The following KCNH1 variants were observed in gnomAD, a reference collection of about 807,000 sequenced individuals.
KCNH1 encodes potassium voltage-gated channel subfamily H member 1.
A neutral mutation model predicts 69.2 loss-of-function variants in KCNH1; 27 were observed. The ratio of observed to expected loss-of-function variants is 0.39; its 90% CI spans 0.29 to 0.54. The LOEUF (loss-of-function observed/expected upper bound fraction) is 0.54. KCNH1 is among the 20% of genes least tolerant of loss of function. The probability of loss-of-function intolerance (pLI) is 0.68; values close to 1 mark genes in which losing one functional copy is unlikely to be tolerated. For synonymous variants in KCNH1, 456 were observed against 487.7 expected, an observed-to-expected ratio of 0.93 and a Z score of 0.86; for missense variants, 798 against 1,261.6, an observed-to-expected ratio of 0.63 and a Z score of 5.57.
chr1:210,880,120 T>A (rs1305066365), intron 7 of KCNH1, among the ~76,000 whole-genome samples: 1 of 152,176 alleles, frequency 6.6e-6, no homozygotes, highest in African/African-American at 2.4e-5. Context: ...CAGTCCATGT[T>A]CATGGTTAGG....
At chr1:210,745,158 C>CTACTAAAAAT (rs71134636) in intron 10 of KCNH1, among the ~76,000 whole-genome samples, 3 of 150,506 alleles carry the variant, frequency 2.0e-5, no homozygotes, top group Admixed American at 6.6e-5. Flanking sequence ...GAGTGGAGGT[C>CTACTAAAAAT]ATGCCACTGC....
chr1:211,107,128 C>T, intron 2 of KCNH1, 126 bp downstream of exon 2: 1 of 986,788 alleles, frequency 1.0e-6, no homozygotes, highest in Admixed American at 2.1e-5. Flanking sequence ...GATGATATGG[C>T]AATAAATTTT....
chr1:211,030,191 A>C (rs1177370745), intron 5 of KCNH1, among the ~76,000 whole-genome samples: 3 of 152,258 alleles, frequency 2.0e-5, no homozygotes, highest in Non-Finnish European at 4.4e-5. Flanking sequence ...AGAAACAAAA[A>C]TAGCTAAAAC....
At position 211,107,388 on chromosome 1, in the gene KCNH1, A is replaced by G; in HGVS notation, c.80-11T>C. On this transcript the variant is annotated splice_polypyrimidine_tract_variant and intron_variant, in intron 1 of 10. Transcript: ENST00000271751. ...ACACAAAATTAGTATCTGTTAAAAA[A>G]AAAAAAAAGGGAAAAAAGGGCACAT... The G allele has an allele frequency of 1.3e-6, 2 of 1,599,696 alleles. No homozygotes were observed. The highest frequency in any genetic ancestry group is 1.1e-5 in the South Asian group (1 of 88,478).
intron 5 of KCNH1, among the ~76,000 whole-genome samples, chr1:211,065,530 T>C (rs542222315): frequency 3.3e-5 from 5 of 152,204 alleles, no homozygotes; most frequent in African/African-American, 1.2e-4. Flanking sequence ...AAATTTCATT[T>C]AGATAGGAAG....
chr1:210,790,362 C>T (rs1309224627), intron 9 of KCNH1, among the ~76,000 whole-genome samples: 1 of 152,136 alleles, frequency 6.6e-6, no homozygotes, highest in African/African-American at 2.4e-5. Flanking sequence ...TTCCTCCTGA[C>T]TTGATCTTCT....
chr1:210,820,823 G>A (rs993696096), intron 7 of KCNH1, among the ~76,000 whole-genome samples: 2 of 152,012 alleles, frequency 1.3e-5, no homozygotes, highest in African/African-American at 2.4e-5. Flanking sequence ...ATGTGAGGAT[G>A]GTGACACAAG....
At chr1:211,037,492 CTTTTT>C (rs59386390) in intron 5 of KCNH1, among the ~76,000 whole-genome samples, 1 of 115,388 alleles carries the variant, frequency 8.7e-6, no homozygotes, top group Non-Finnish European at 1.7e-5. Context: ...TAATTCAGTG[CTTTTT>C]TTTTTTTTTT....
intron 10 of KCNH1, among the ~76,000 whole-genome samples, chr1:210,711,355 G>C (rs1682069976): frequency 6.6e-6 from 1 of 152,204 alleles, no homozygotes; most frequent in African/African-American, 2.4e-5. Flanking sequence ...GCCCAAGCCA[G>C]GTTCTCCTTC....
chr1:211,018,784 T>A lies in KCNH1; in HGVS notation c.1031A>T (p.Gln344Leu). ...AGGTCTGAGATTTGAGGGATGTACC[T>A]GACTCTCTCTCCCCTCCAGTGGTGG... is the stretch of plus-strand genomic sequence containing the variant. ...IPPPLEGRES[Q>L]GISSLFSSLK... is the part of the protein sequence containing the mutation. The change falls in exon 6 of 11, where the codon CAG becomes CTG. Residue 344 changes from glutamine to leucine, a missense_variant and splice_region_variant. By Grantham distance (113) the Gln-to-Leu change is moderately radical. This residue lies in a region of KCNH1 where 266 missense variants were observed against 457.2 expected (regional missense o/e 0.58). Coordinates refer to ENST00000271751, the MANE Select transcript of KCNH1 (RefSeq NM_172362.3). The A allele has an allele frequency of 1.3e-6, 2 of 1,598,346 alleles. No homozygotes were observed. The highest frequency in any genetic ancestry group is 4.5e-5 in the East Asian group (2 of 44,750).
At chr1:210,767,132 A>G (rs1340127) in intron 10 of KCNH1, among the ~76,000 whole-genome samples, 63,248 of 152,142 alleles carry the variant, frequency 0.42, 13,385 homozygotes, top group Non-Finnish European at 0.46. Flanking sequence ...TTCGAAATGT[A>G]AAATTTGGCT....
intron 1 of KCNH1, among the ~76,000 whole-genome samples, chr1:211,130,721 C>T (rs931343976): frequency 6.6e-6 from 1 of 152,130 alleles, no homozygotes; most frequent in African/African-American, 2.4e-5. Flanking sequence ...AATGGAGAGA[C>T]TGCACCTCCT....
intron 5 of KCNH1, among the ~76,000 whole-genome samples, chr1:211,066,281 T>C (rs1449434426): frequency 6.6e-6 from 1 of 152,198 alleles, no homozygotes; most frequent in African/African-American, 2.4e-5. Context: ...AATATTAAAC[T>C]AATACTTGTT....
At chr1:210,910,117 T>A (rs1057339698) in intron 7 of KCNH1, among the ~76,000 whole-genome samples, 10 of 150,274 alleles carry the variant, frequency 6.7e-5, no homozygotes, top group African/African-American at 2.5e-4. Flanking sequence ...TTGGCCTTAC[T>A]GCAAAATGTT....
intron 10 of KCNH1, among the ~76,000 whole-genome samples, chr1:210,703,078 TACCAG>T (rs1681822696): frequency 1.3e-5 from 2 of 152,138 alleles, no homozygotes; most frequent in African/African-American, 4.8e-5. Flanking sequence ...TTAAAATATA[TACCAG>T]AAGCCCTTTC....
At chr1:210,765,217 G>T (rs922767551) in intron 10 of KCNH1, among the ~76,000 whole-genome samples, 1 of 152,052 alleles carries the variant, frequency 6.6e-6, no homozygotes, top group South Asian at 2.1e-4. Flanking sequence ...CTGGGGGTGG[G>T]GGTACAGAAG....
chr1:210,959,736 G>C (rs1413064884), intron 6 of KCNH1, among the ~76,000 whole-genome samples: 1 of 152,222 alleles, frequency 6.6e-6, no homozygotes, highest in African/African-American at 2.4e-5. Context: ...GAATCTCCTG[G>C]TCTGCCAGTT....
chr1:210,705,952 T>C (rs1382670071), intron 10 of KCNH1, among the ~76,000 whole-genome samples: 1 of 152,182 alleles, frequency 6.6e-6, no homozygotes, highest in East Asian at 1.9e-4. Context: ...CCAGGTGATA[T>C]TTGCATATTG....
At chr1:210,997,947 C>G (rs1689085092) in intron 6 of KCNH1, among the ~76,000 whole-genome samples, 2 of 152,140 alleles carry the variant, frequency 1.3e-5, no homozygotes, top group Non-Finnish European at 2.9e-5. Context: ...AAATCCTTTA[C>G]AGACAAGCAA....
Sources: allele counts gnomAD v4.1 joint callset (sites outside exome capture counted in the v4.1 genomes callset), GRCh38; gene constraint gnomAD v4.1.1; regional missense constraint gnomAD v4.1.1; transcripts MANE v1.5; gene names NCBI Gene and HGNC (gene_info 2026-07-23, HGNC 2026-07-21).